Variants in DCAF8 observed in about 807,000 individuals in gnomAD.
The protein encoded by DCAF8 is DDB1- and CUL4-associated factor 8.
A neutral mutation model predicts 68.0 loss-of-function variants in DCAF8; 20 were observed. The observed-to-expected ratio is 0.29, with a 90% CI of 0.21 to 0.43. The LOEUF is 0.43. Ranked by LOEUF, DCAF8 falls within the 20% of genes least tolerant of loss-of-function variation. The pLI, the probability that DCAF8 is intolerant of heterozygous loss-of-function variation, is 1.00. For missense variants in DCAF8, 460 were observed against 771.0 expected (o/e 0.60, Z 4.78); for synonymous variants, 230 against 276.9 (o/e 0.83, Z 1.68).
rs543193093 is a variant in DCAF8, at chr1:160,235,294, C to T, written c.959+1841G>A. On this transcript the variant is annotated intron_variant, in intron 6 of 13. Coordinates refer to ENST00000368074, the MANE Select transcript of DCAF8 (RefSeq NM_015726.4). ...GATTATAGGCATGTGCCACCACACA[C>T]GGCTAATTTTTGTATTTTCAGTAGA... Among the ~76,000 whole-genome samples the T allele has an allele frequency of 1.6e-4, 25 of 151,854 alleles. 2 individuals are homozygous for T. Among genetic ancestry groups the T allele is most frequent in the African/African-American group, 3.6e-4 (15 of 41,226 alleles).
chr1:160,218,733 G>A (rs977212756), intron 12 of DCAF8, 116 bp downstream of exon 12: 3 of 1,451,932 alleles, frequency 2.1e-6, no homozygotes, highest in Non-Finnish European at 2.8e-6. Flanking sequence ...GTGGGGGAGG[G>A]TGTTAGAGCA....
intron 2 of DCAF8, among the ~76,000 whole-genome samples, chr1:160,256,944 C>T (rs1656859654): frequency 6.6e-6 from 1 of 152,146 alleles, no homozygotes; most frequent in Non-Finnish European, 1.5e-5. Flanking sequence ...TCATAAAATT[C>T]ATCACTCGCT....
At chr1:160,231,175 A>T in intron 7 of DCAF8, 122 bp downstream of exon 7, 1 of 725,674 alleles carries the variant, frequency 1.4e-6, no homozygotes, top group East Asian at 2.6e-5. Flanking sequence ...AACGGTAAAA[A>T]ATTCAAGATA....
chr1:160,243,873 A>C, intron 3 of DCAF8, 87 bp downstream of exon 3: 3 of 1,376,120 alleles, frequency 2.2e-6, no homozygotes, highest in Non-Finnish European at 3.1e-6. Context: ...CTCTCCACTA[A>C]AATCCAGGCC....
intron 6 of DCAF8, among the ~76,000 whole-genome samples, chr1:160,232,007 A>G (rs564570659): frequency 6.6e-6 from 1 of 152,258 alleles, no homozygotes; most frequent in East Asian, 1.9e-4. Context: ...CCTGGCCAAC[A>G]TGGCGAGACC....
At position 160,241,219 on chromosome 1, in the gene DCAF8, T is replaced by C. The variant is rs1388461387; in HGVS notation, c.50-849A>G. On this transcript the variant is annotated intron_variant, in intron 3 of 13. Transcript: ENST00000368074. ...TAAGCTTCTTCCCCACCTAAGTTTC[T>C]AAAATTCACTAAGAAAGCAAGCTGA... Among the ~76,000 whole-genome samples, 4 of 152,326 alleles carry C rather than the reference T, an allele frequency of 2.6e-5. No homozygotes were observed. The South Asian group carries it at 6.2e-4, about 24-fold the overall frequency.
Position 160,231,190 on chromosome 1 carries a change from T to C in DCAF8, c.1070+107A>G, listed in dbSNP as rs1250518062. ...AACGGTAAAAAATTCAAGATAATAG[T>C]TAATGGATTCCTATAAAATTCGTAA... On this transcript the variant is annotated intron_variant, in intron 7 of 13. Transcript: ENST00000368074. The C allele has an allele frequency of 6.4e-6, 5 of 775,268 alleles. No homozygotes were observed. In the East Asian group the frequency reaches 1.3e-4, roughly 20 times the overall value. 48.0% of individuals were successfully genotyped at this position (775,268 alleles called of 1,614,324 possible).
chr1:160,244,002 T>G lies in DCAF8; in HGVS notation c.7A>C (p.Ser3Arg), dbSNP rs1157383925. ...CTGCCATCTGTGCTGCTCCCTTTGC[T>G]GGACATCTTGAATGATGTTTGCTGT... The part of the protein sequence containing the change: MS[S>R]KGSSTDGRTD... The change falls in exon 3 of 14, where the codon AGC becomes CGC. Residue 3 changes from serine to arginine, a missense_variant. Physicochemically the swap from Ser to Arg is moderately radical, Grantham distance 110. Around this residue, in one of 8 missense-constraint regions of DCAF8, gnomAD observed 156 missense variants for 181.4 expected, o/e 0.86. Transcript: ENST00000368074. 6.2e-7 allele frequency: 1 copy of G among 1,614,184 alleles called. No individual in the cohort carries two copies. Among genetic ancestry groups the G allele is most frequent in the Admixed American group, 1.7e-5 (1 of 60,014 alleles).
chr1:160,227,330 T>TA (rs1655512549), intron 7 of DCAF8, among the ~76,000 whole-genome samples: 1 of 152,082 alleles, frequency 6.6e-6, no homozygotes, highest in Non-Finnish European at 1.5e-5. Context: ...GGCAGTTAGG[T>TA]TACTGATGAC....
chr1:160,258,934 G>A lies in DCAF8; in HGVS notation c.-27+2351C>T, dbSNP rs16831708. On this transcript the variant is annotated intron_variant, in intron 2 of 13. Coordinates refer to ENST00000368074, the MANE Select transcript of DCAF8 (RefSeq NM_015726.4). The stretch of plus-strand genomic sequence containing the variant: ...TCTCCTCCCATCCTTTCCTTCACCC[G>A]ACATGGATCTTCAGAGTTCATAAAA... Among the ~76,000 whole-genome samples, 603 of 151,984 alleles carry A rather than the reference G, an allele frequency of 4.0e-3. 6 individuals carry two copies. The highest frequency in any genetic ancestry group is 0.014 in the African/African-American group (577 of 41,450).
chr1:160,248,190 C>A (rs765532044), intron 2 of DCAF8, among the ~76,000 whole-genome samples: 1 of 151,950 alleles, frequency 6.6e-6, no homozygotes, highest in Non-Finnish European at 1.5e-5. Flanking sequence ...GCCCGTAGTC[C>A]CTGCTACTGG....
At position 160,215,903 on chromosome 1, in the gene DCAF8, G is replaced by T. The variant is rs1373804321; in HGVS notation, c.*1689C>A. On this transcript the variant is annotated 3_prime_UTR_variant, in exon 14 of 14. Coordinates refer to ENST00000368074, the MANE Select transcript of DCAF8 (RefSeq NM_015726.4). ...TCAGAGCTGCTGGGAAAAGGGGCAG[G>T]AGGAAGAAGTATCTGGGAATACCAT... The T allele has an allele frequency of 6.8e-6, 1 of 148,148 alleles. No individual in the cohort carries two copies. The highest frequency in any genetic ancestry group is 1.5e-5 in the Non-Finnish European group (1 of 68,014). The allele number at this position is 148,148 out of a possible 1,614,324, so 9.2% of individuals were successfully genotyped here.
Position 160,261,355 on chromosome 1 carries a change from A to G in DCAF8, c.-97T>C, listed in dbSNP as rs1657082742. 1 of 152,218 alleles carries G rather than the reference A, an allele frequency of 6.6e-6. No individual in the cohort carries two copies. The highest frequency in any genetic ancestry group is 2.4e-5 in the African/African-American group (1 of 41,460). 9.4% of individuals were successfully genotyped at this position (152,218 alleles called of 1,614,324 possible). ...GAAAATAGGTCTGTAGATTCACTGA[A>G]GGACTGAGAAAAGTTAAAATTTACA... is the stretch of plus-strand genomic sequence containing the variant. On this transcript the variant is annotated 5_prime_UTR_variant, in exon 2 of 14. Coordinates refer to ENST00000368074, the MANE Select transcript of DCAF8 (RefSeq NM_015726.4).
chr1:160,234,878 C>T (rs1655816383), intron 6 of DCAF8, among the ~76,000 whole-genome samples: 1 of 152,116 alleles, frequency 6.6e-6, no homozygotes, highest in African/African-American at 2.4e-5. Context: ...AGTCTTTGTC[C>T]TCTTGAAGGT....
chr1:160,246,603 G>A (rs906303093), intron 2 of DCAF8, among the ~76,000 whole-genome samples: 7 of 152,204 alleles, frequency 4.6e-5, no homozygotes, highest in Non-Finnish European at 7.3e-5. Flanking sequence ...ACCAGCCTGG[G>A]CAGAACTGTG....
chr1:160,253,060 A>G (rs1235253206), intron 2 of DCAF8, among the ~76,000 whole-genome samples: 2 of 152,254 alleles, frequency 1.3e-5, no homozygotes, highest in African/African-American at 4.8e-5. Flanking sequence ...ACAATTAGTT[A>G]CCTAAGAAGG....
intron 12 of DCAF8, 78 bp from the exon 13 acceptor site, chr1:160,218,518 A>G (rs899283112): frequency 9.1e-7 from 1 of 1,094,106 alleles, no homozygotes; most frequent in African/African-American, 1.6e-5. Context: ...CTGATCTCCT[A>G]TCCCAATAAA....
rs11284812 is a variant in DCAF8, at chr1:160,256,012, CTTTTTTTTTTTTTT to C, written c.-27+5259_-27+5272del. Among the ~76,000 whole-genome samples the C allele has an allele frequency of 1.8e-3, 136 of 75,530 alleles. 1 individual carries two copies. Among genetic ancestry groups the C allele is most frequent in the Middle Eastern group, 0.011 (1 of 94 alleles). 49.6% of individuals were successfully genotyped at this position (75,530 alleles called of 152,430 possible). On this transcript the variant is annotated intron_variant, in intron 2 of 13. Transcript: ENST00000368074. The stretch of plus-strand genomic sequence containing the variant: ...ATTTCCAGCAGCAGAACTAAGCAAA[CTTTTTTTTTTTTTT>C]TTTTTTTTTTTTTTAAGAGACAAGG...
At chr1:160,239,108 A>G (rs1655998080) in intron 4 of DCAF8, 1 of 983,764 alleles carries the variant, frequency 1.0e-6, no homozygotes, top group Non-Finnish European at 1.2e-6. Context: ...AGAAAAAGGA[A>G]AATAGGGGGA....
Sources: gnomAD v4.1 joint callset for allele counts (sites outside exome capture counted in the v4.1 genomes callset) on GRCh38, gnomAD v4.1.1 for gene constraint, gnomAD v4.1.1 regional missense constraint, MANE v1.5 for transcripts, NCBI Gene and HGNC (gene_info 2026-07-23, HGNC 2026-07-21) for gene names.